PDE2A: variants seen among roughly 807,000 people sequenced by gnomAD.
PDE2A encodes cGMP-dependent 3',5'-cyclic phosphodiesterase.
In PDE2A, 53 loss-of-function variants were observed where a neutral mutation model predicts 133.6. That is an observed-to-expected ratio of 0.40 (90% CI 0.32 to 0.50). PDE2A has a LOEUF of 0.50. Ranked by LOEUF, PDE2A falls within the 20% of genes least tolerant of loss-of-function variation. The pLI is 0.73. For missense variants in PDE2A, 796 were observed against 1,232.4 expected, an observed-to-expected ratio of 0.65 and a Z score of 5.30; for synonymous variants, 491 against 490.2, an observed-to-expected ratio of 1.00 and a Z score of -0.02.
chr11:72,674,095 C>T (rs1356761941), intron 1 of PDE2A, 42 bp downstream of exon 1: 18 of 1,594,964 alleles, frequency 1.1e-5, no homozygotes, highest in South Asian at 2.2e-5. Context: ...TCTGTGGCAC[C>T]TCTCACAGCC....
At chr11:72,611,006 G>T (rs1430372048) in intron 2 of PDE2A, among the ~76,000 whole-genome samples, 2 of 152,206 alleles carry the variant, frequency 1.3e-5, no homozygotes, top group Non-Finnish European at 2.9e-5. Context: ...TCTTCCAGAT[G>T]CACGCTCCCC....
At chr11:72,622,801 T>C (rs1857845612) in intron 2 of PDE2A, among the ~76,000 whole-genome samples, 1 of 152,176 alleles carries the variant, frequency 6.6e-6, no homozygotes, top group Non-Finnish European at 1.5e-5. Context: ...CTACCACAAC[T>C]GAACTGTACA....
chr11:72,650,077 A>G (rs1486260748), intron 1 of PDE2A, among the ~76,000 whole-genome samples: 1 of 147,886 alleles, frequency 6.8e-6, no homozygotes, highest in African/African-American at 2.5e-5. Flanking sequence ...GCTGGAGTGC[A>G]GTGGTACAAT....
chr11:72,614,485 C>T (rs548990403), intron 2 of PDE2A, among the ~76,000 whole-genome samples: 2 of 152,260 alleles, frequency 1.3e-5, no homozygotes, highest in African/African-American at 4.8e-5. Context: ...CTAGAGGTTT[C>T]CACCAGCCGT....
At chr11:72,647,315 C>G (rs1209249189) in intron 1 of PDE2A, among the ~76,000 whole-genome samples, 1 of 152,258 alleles carries the variant, frequency 6.6e-6, no homozygotes, top group Non-Finnish European at 1.5e-5. Flanking sequence ...CCCTGACATG[C>G]TGGGTGACCT....
chr11:72,649,827 G>A lies in PDE2A; in HGVS notation c.72-7501C>T, dbSNP rs575512658. Reference sequence around the variant, plus strand: ...TCATCCTGAGCCACAGATTCCCATGGAAACCAGAAAGGAAGATGAGCAAAA... The same window carrying A: ...TCATCCTGAGCCACAGATTCCCATGAAAACCAGAAAGGAAGATGAGCAAAA... On this transcript the variant is annotated intron_variant, in intron 1 of 30. Transcript: ENST00000334456. Among the ~76,000 whole-genome samples, 964 of 152,252 alleles carry A rather than the reference G, an allele frequency of 6.3e-3. 8 individuals are homozygous for A. The highest frequency in any genetic ancestry group is 8.5e-3 in the Non-Finnish European group (576 of 68,024).
Position 72,581,450 on chromosome 11 carries a change from C to T in PDE2A, c.1952G>A (p.Arg651Gln). 6.2e-7 allele frequency: 1 copy of T among 1,604,312 alleles called. No individual in the cohort carries two copies. The highest frequency in any genetic ancestry group is 8.5e-7 in the Non-Finnish European group (1 of 1,176,204). ...RFCLMVKKGY[R>Q]DPPYHNWMHA... is the part of the protein sequence containing the mutation. The stretch of plus-strand genomic sequence containing the variant: ...CATCCAGTTGTGGTAGGGGGGATCC[C>T]GGTAGCCCTTCTTCACCATCAAACA... The change falls in exon 23 of 31, where the codon CGG (arginine) becomes CAG (glutamine). Residue 651 changes from arginine to glutamine, a missense_variant. Transcript: ENST00000334456.
chr11:72,582,360 C>T, intron 21 of PDE2A, 84 bp downstream of exon 21: 1 of 1,348,818 alleles, frequency 7.4e-7, no homozygotes, highest in Non-Finnish European at 1.0e-6. Context: ...TCTGTCTTCC[C>T]AGGAAGTTCT....
chr11:72,581,100 T>A (rs1490080951), intron 23 of PDE2A, 127 bp from the exon 24 acceptor site: 78 of 766,096 alleles, frequency 1.0e-4, no homozygotes, highest in Non-Finnish European at 1.1e-4. Flanking sequence ...AACACCTGGG[T>A]TCCCTTCCTG....
chr11:72,672,487 A>G (rs1020298061), intron 1 of PDE2A, among the ~76,000 whole-genome samples: 1 of 152,164 alleles, frequency 6.6e-6, no homozygotes, highest in African/African-American at 2.4e-5. Flanking sequence ...TGCCTGGCCC[A>G]GGGCAGGTTT....
intron 21 of PDE2A, 81 bp downstream of exon 21, chr11:72,582,363 G>A: frequency 1.5e-6 from 2 of 1,367,124 alleles, no homozygotes; most frequent in Non-Finnish European, 1.0e-6. Flanking sequence ...GTCTTCCCAG[G>A]AAGTTCTTGA....
At chr11:72,655,626 G>A (rs1337553788) in intron 1 of PDE2A, among the ~76,000 whole-genome samples, 5 of 152,148 alleles carry the variant, frequency 3.3e-5, no homozygotes. Context: ...TCCATTTCCT[G>A]GATATGGAGC....
chr11:72,621,304 A>G (rs1857758376), intron 2 of PDE2A, among the ~76,000 whole-genome samples: 1 of 152,078 alleles, frequency 6.6e-6, no homozygotes, highest in African/African-American at 2.4e-5. Flanking sequence ...GTTTCTCCTC[A>G]TCTACCCTAC....
intron 2 of PDE2A, among the ~76,000 whole-genome samples, chr11:72,637,065 C>A (rs1313280466): frequency 7.3e-6 from 1 of 137,612 alleles, no homozygotes; most frequent in Non-Finnish European, 1.5e-5. Flanking sequence ...CACCAGCGAA[C>A]CTTCACAGTA....
At chr11:72,671,267 C>T (rs187918288) in intron 1 of PDE2A, among the ~76,000 whole-genome samples, 4 of 152,298 alleles carry the variant, frequency 2.6e-5, no homozygotes, top group Admixed American at 2.6e-4. Context: ...TCTGTGTCCC[C>T]GGTGACAAGC....
intron 4 of PDE2A, among the ~76,000 whole-genome samples, chr11:72,599,327 C>T (rs1856632889): frequency 6.6e-6 from 1 of 152,052 alleles, no homozygotes; most frequent in African/African-American, 2.4e-5. Flanking sequence ...GCTCCAGACC[C>T]CAGATACCCA....
intron 1 of PDE2A, among the ~76,000 whole-genome samples, chr11:72,656,251 G>A (rs1005675555): frequency 2.6e-5 from 4 of 152,156 alleles, no homozygotes; most frequent in African/African-American, 9.7e-5. Context: ...CTGTTACCTC[G>A]GGACCTCAGT....
chr11:72,578,437 TC>T lies in PDE2A; in HGVS notation c.2508+38del, dbSNP rs747607205. On this transcript the variant is annotated intron_variant, in intron 29 of 30. Transcript: ENST00000334456. The surrounding 1 kb of genome is among the most constrained non-coding windows in gnomAD (Gnocchi z 4.2). ...CCTCCCTGTCCCAGGCCAGGAACCCTCCCCCATCCTGGACATCCTGGGGTCA... is the reference window on the plus strand; with the variant it reads ...CCTCCCTGTCCCAGGCCAGGAACCCTCCCCATCCTGGACATCCTGGGGTCA... 4 of 1,595,018 alleles carry T rather than the reference TC, an allele frequency of 2.5e-6. No homozygotes were observed. Among genetic ancestry groups the T allele is most frequent in the Non-Finnish European group, 1.7e-6 (2 of 1,162,694 alleles).
intron 3 of PDE2A, 144 bp from the exon 4 acceptor site, chr11:72,605,370 G>A (rs531430441): frequency 4.4e-6 from 2 of 450,876 alleles, no homozygotes; most frequent in African/African-American, 2.0e-5. Context: ...TTTCTCTCCA[G>A]GTGATTCTAA....
Sources: allele counts gnomAD v4.1 joint callset (sites outside exome capture counted in the v4.1 genomes callset), GRCh38; gene constraint gnomAD v4.1.1; non-coding constraint Gnocchi (gnomAD v3.1); transcripts MANE v1.5; gene names NCBI Gene and HGNC (gene_info 2026-07-23, HGNC 2026-07-21).